The following GTF2F2 variants were observed in gnomAD, a reference collection of about 807,000 sequenced individuals.
The protein encoded by GTF2F2 is general transcription factor IIF subunit 2, also known as ATP-dependent helicase GTF2F2.
GTF2F2 carries 23 observed loss-of-function variants against 42.2 expected under a neutral mutation model. The observed-to-expected ratio is 0.55, with a 90% CI of 0.39 to 0.77. The LOEUF (loss-of-function observed/expected upper bound fraction) is 0.77, where lower values mean the gene tolerates loss of function less well. Ranked by LOEUF, GTF2F2 falls within the 30% of genes least tolerant of loss-of-function variation. GTF2F2 has a pLI of 0.00. For missense variants in GTF2F2, 261 were observed against 287.2 expected, an observed-to-expected ratio of 0.91 and a Z score of 0.66; for synonymous variants, 105 against 100.8, an observed-to-expected ratio of 1.04 and a Z score of -0.25.
In GTF2F2 at chr13:45,133,908, T is replaced by C. The variant is rs530846304; in HGVS notation, c.67-2825T>C. On this transcript the variant is annotated intron_variant, in intron 1 of 7. Coordinates refer to ENST00000340473, the MANE Select transcript of GTF2F2 (RefSeq NM_004128.3). ...GGTCTGAGTGCACTCATTAAAGATA[T>C]CCTCCTGTATACACCCCATGGTCTC... Among the ~76,000 whole-genome samples the C allele has an allele frequency of 1.5e-4, 23 of 152,282 alleles. No homozygotes were observed. The South Asian group carries it at 4.6e-3, about 30-fold the overall frequency.
intron 5 of GTF2F2, among the ~76,000 whole-genome samples, chr13:45,216,227 A>C (rs1210946981): frequency 6.6e-6 from 1 of 152,172 alleles, no homozygotes; most frequent in Non-Finnish European, 1.5e-5. Context: ...CAAGAGGAAA[A>C]AAAAGAAGGC....
chr13:45,261,413 A>G (rs1876336982), intron 6 of GTF2F2, among the ~76,000 whole-genome samples: 1 of 144,070 alleles, frequency 6.9e-6, no homozygotes, highest in African/African-American at 2.8e-5. Flanking sequence ...GGGACAGAGC[A>G]AGACTCCATC....
chr13:45,130,637 T>C (rs1046719836), intron 1 of GTF2F2, among the ~76,000 whole-genome samples: 1 of 152,088 alleles, frequency 6.6e-6, no homozygotes, highest in African/African-American at 2.4e-5. Context: ...ACAGGATGTA[T>C]CAGTTGATTG....
At chr13:45,194,757 G>T in intron 4 of GTF2F2, 1 of 586,076 alleles carries the variant, frequency 1.7e-6, no homozygotes. Context: ...GGAGCTTTCT[G>T]GAGTAAGACG....
chr13:45,255,830 A>G (rs1876080331), intron 6 of GTF2F2, among the ~76,000 whole-genome samples: 1 of 151,972 alleles, frequency 6.6e-6, no homozygotes, highest in Non-Finnish European at 1.5e-5. Context: ...GTATATTTTT[A>G]TTACAGTGGG....
intron 4 of GTF2F2, among the ~76,000 whole-genome samples, chr13:45,159,275 T>C (rs1870919217): frequency 6.6e-6 from 1 of 152,238 alleles, no homozygotes; most frequent in Non-Finnish European, 1.5e-5. Flanking sequence ...ATGGTAGTGC[T>C]CTTTGAAGAT....
chr13:45,198,238 C>T (rs144291743), intron 4 of GTF2F2, among the ~76,000 whole-genome samples: 10 of 152,332 alleles, frequency 6.6e-5, no homozygotes, highest in African/African-American at 2.4e-4. Flanking sequence ...CAGGAATTCC[C>T]ATCTTTTTAC....
chr13:45,243,411 G>T (rs1249035748), intron 5 of GTF2F2, among the ~76,000 whole-genome samples: 1 of 152,096 alleles, frequency 6.6e-6, no homozygotes, highest in Non-Finnish European at 1.5e-5. Flanking sequence ...TCTAGGTTGC[G>T]TGCTCCTTAT....
intron 7 of GTF2F2, among the ~76,000 whole-genome samples, chr13:45,274,413 G>A (rs1439092909): frequency 1.4e-5 from 2 of 138,020 alleles, no homozygotes; most frequent in Non-Finnish European, 3.0e-5. Flanking sequence ...TGCAACGTCC[G>A]CCTCCCAGGT....
intron 7 of GTF2F2, among the ~76,000 whole-genome samples, chr13:45,278,825 T>TTC (rs1473493048): frequency 7.5e-6 from 1 of 133,822 alleles, no homozygotes; most frequent in African/African-American, 3.0e-5. Context: ...TCTTTTTTTT[T>TTC]TTTTTTTTTT....
At chr13:45,158,266 T>TAAGGGG (rs1428404428) in intron 4 of GTF2F2, among the ~76,000 whole-genome samples, 1 of 152,228 alleles carries the variant, frequency 6.6e-6, no homozygotes, top group Non-Finnish European at 1.5e-5. Flanking sequence ...GGTGGGTTGA[T>TAAGGGG]AAGGGGTTTC....
At chr13:45,210,308 A>G (rs1566136152) in intron 5 of GTF2F2, among the ~76,000 whole-genome samples, 1 of 152,034 alleles carries the variant, frequency 6.6e-6, no homozygotes, top group African/African-American at 2.4e-5. Context: ...CTAACAATCC[A>G]TGAGCCCTCC....
chr13:45,131,143 G>A (rs554167529), intron 1 of GTF2F2, among the ~76,000 whole-genome samples: 1 of 152,066 alleles, frequency 6.6e-6, no homozygotes, highest in South Asian at 2.1e-4. Context: ...GGAAGGCAGA[G>A]GTTGTGGTGA....
intron 6 of GTF2F2, among the ~76,000 whole-genome samples, chr13:45,254,233 A>G (rs1243958429): frequency 6.6e-6 from 1 of 152,118 alleles, no homozygotes; most frequent in African/African-American, 2.4e-5. Context: ...TACTGTGCCT[A>G]ATTTATAAAT....
At chr13:45,239,307 A>G (rs760152178) in intron 5 of GTF2F2, among the ~76,000 whole-genome samples, 3 of 152,268 alleles carry the variant, frequency 2.0e-5, no homozygotes, top group South Asian at 2.1e-4. Context: ...TGTTCTGATC[A>G]TAAGTTAAGA....
intron 4 of GTF2F2, among the ~76,000 whole-genome samples, chr13:45,168,820 CTTCCTTCCCT>C (rs1871434146): frequency 6.8e-6 from 1 of 147,460 alleles, no homozygotes. Flanking sequence ...TCCTTCCTTC[CTTCCTTCCCT>C]CCCTCTTTCC....
At chr13:45,273,034 C>G (rs192435566) in intron 7 of GTF2F2, among the ~76,000 whole-genome samples, 5 of 146,464 alleles carry the variant, frequency 3.4e-5, no homozygotes, top group Non-Finnish European at 7.4e-5. Context: ...TCAAGCAGTT[C>G]TCTGCCTCAG....
intron 5 of GTF2F2, among the ~76,000 whole-genome samples, chr13:45,249,252 A>G (rs764545419): frequency 2.0e-5 from 3 of 152,194 alleles, no homozygotes; most frequent in Non-Finnish European, 4.4e-5. Context: ...GTTCTTTGTT[A>G]TATTTTCAGT....
chr13:45,260,339 T>C (rs1158522965), intron 6 of GTF2F2, among the ~76,000 whole-genome samples: 1 of 152,256 alleles, frequency 6.6e-6, no homozygotes, highest in East Asian at 1.9e-4. Context: ...GTATACTACA[T>C]GCTTTGTCCA....
Sources: gnomAD v4.1 joint callset for allele counts (sites outside exome capture counted in the v4.1 genomes callset) on GRCh38, gnomAD v4.1.1 for gene constraint, MANE v1.5 for transcripts, NCBI Gene and HGNC (gene_info 2026-07-23, HGNC 2026-07-21) for gene names.